The following FGF13 variants were observed in gnomAD, a reference collection of about 807,000 sequenced individuals.
The protein encoded by FGF13 is fibroblast growth factor homologous factor 2.
FGF13 carries 2 observed loss-of-function variants against 19.5 expected under a neutral mutation model. That is an observed-to-expected ratio of 0.10 (90% CI 0.04 to 0.32). FGF13 has a LOEUF of 0.32. FGF13 is among the 10% of genes least tolerant of loss of function. FGF13 has a pLI of 1.00. For missense variants in FGF13, 113 were observed against 192.7 expected, an observed-to-expected ratio of 0.59 and a Z score of 2.45; for synonymous variants, 72 against 76.9, an observed-to-expected ratio of 0.94 and a Z score of 0.33.
At chrX:138,696,022 G>A (rs772580892) in intron 3 of FGF13, among the ~76,000 whole-genome samples, 23 of 112,200 alleles carry the variant, frequency 2.0e-4, no homozygotes, top group East Asian at 1.4e-3. Context: ...CCTTTCTAAA[G>A]AATGTCATTC....
chrX:138,893,960 A>C (rs1330903662), intron 1 of FGF13, among the ~76,000 whole-genome samples: 1 of 111,616 alleles, frequency 9.0e-6, no homozygotes, highest in African/African-American at 3.3e-5. Flanking sequence ...TATTGGTATA[A>C]TACAGGTCTA....
chrX:138,976,113 T>C (rs1010305584), intron 1 of FGF13, among the ~76,000 whole-genome samples: 1 of 111,859 alleles, frequency 8.9e-6, no homozygotes, highest in African/African-American at 3.3e-5. Flanking sequence ...TGTTATGCGC[T>C]GGACTCGGGA....
At chrX:139,107,878 A>G (rs2083571090) in intron 1 of FGF13, among the ~76,000 whole-genome samples, 1 of 110,309 alleles carries the variant, frequency 9.1e-6, no homozygotes, top group African/African-American at 3.3e-5. Context: ...GTGAAGCAGC[A>G]AAAGTAAAAA....
At chrX:139,042,613 A>C (rs2092273780) in intron 1 of FGF13, among the ~76,000 whole-genome samples, 1 of 111,793 alleles carries the variant, frequency 8.9e-6, no homozygotes, top group African/African-American at 3.3e-5. Context: ...GCTAGTGATT[A>C]GTTTGGTTTC....
At chrX:138,952,972 T>C (rs1603063242) in intron 1 of FGF13, among the ~76,000 whole-genome samples, 1 of 111,488 alleles carries the variant, frequency 9.0e-6, no homozygotes, top group South Asian at 3.8e-4. Flanking sequence ...ACTTTTACAC[T>C]ATTGGTGGGA....
At chrX:138,965,956 T>C (rs2091893051) in intron 1 of FGF13, among the ~76,000 whole-genome samples, 1 of 112,772 alleles carries the variant, frequency 8.9e-6, no homozygotes, top group African/African-American at 3.2e-5. Context: ...GTCATTTTCT[T>C]TGTGATTTCT....
chrX:138,961,245 G>C, intron 1 of FGF13, among the ~76,000 whole-genome samples: 1 of 111,860 alleles, frequency 8.9e-6, no homozygotes, highest in East Asian at 2.8e-4. Flanking sequence ...CTGTTTGTTA[G>C]TTTTCCTTCT....
chrX:139,047,619 C>T (rs1411723453), intron 1 of FGF13, among the ~76,000 whole-genome samples: 1 of 111,623 alleles, frequency 9.0e-6, no homozygotes, highest in Non-Finnish European at 1.9e-5. Flanking sequence ...AAGAGTTAGT[C>T]AAACTCATTA....
intron 3 of FGF13, among the ~76,000 whole-genome samples, chrX:138,822,258 T>A (rs1259909206): frequency 8.9e-6 from 1 of 112,133 alleles, no homozygotes; most frequent in African/African-American, 3.2e-5. Flanking sequence ...TTGCACATAG[T>A]AATGCTACGG....
At position 139,008,978 on chromosome X, in the gene FGF13, C is replaced by A. The variant is rs187306324; in HGVS notation, c.-112-144328G>T. Among the ~76,000 whole-genome samples the A allele has an allele frequency of 3.2e-4, 36 of 111,566 alleles. 1 individual carries two copies. Among genetic ancestry groups the A allele is most frequent in the African/African-American group, 1.1e-3 (35 of 30,725 alleles). ...TGATCCAGAAAATGAAAGGAAAATTCTTCAGTGAAATAGAATAACTAAAAG... is the reference window on the plus strand; with the variant it reads ...TGATCCAGAAAATGAAAGGAAAATTATTCAGTGAAATAGAATAACTAAAAG... On this transcript the variant is annotated intron_variant, in intron 1 of 2. Coordinates refer to the FGF13 transcript ENST00000421460.
chrX:139,182,178 C>A (rs929190921), intron 1 of FGF13, among the ~76,000 whole-genome samples: 7 of 111,860 alleles, frequency 6.3e-5, no homozygotes, highest in African/African-American at 1.3e-4. Flanking sequence ...ACTCTTATCC[C>A]CATTTTACAG....
chrX:138,720,954 T>C (rs2090142839), intron 1 of FGF13, among the ~76,000 whole-genome samples: 1 of 111,959 alleles, frequency 8.9e-6, no homozygotes, highest in South Asian at 3.8e-4. Flanking sequence ...TGATGAACAT[T>C]TGTAAGTTTT....
intron 1 of FGF13, among the ~76,000 whole-genome samples, chrX:138,999,658 G>C (rs1336319347): frequency 8.9e-6 from 1 of 111,777 alleles, no homozygotes; most frequent in Non-Finnish European, 1.9e-5. Context: ...TCTCTGAATA[G>C]ACCAATAATA....
At chrX:139,079,056 G>A (rs1219779172) in intron 1 of FGF13, among the ~76,000 whole-genome samples, 2 of 112,317 alleles carry the variant, frequency 1.8e-5, no homozygotes, top group African/African-American at 6.5e-5. Context: ...TAGGACAGAT[G>A]TGATCTACAG....
chrX:138,952,330 T>G (rs370860646), intron 1 of FGF13, among the ~76,000 whole-genome samples: 24 of 111,546 alleles, frequency 2.2e-4, no homozygotes, highest in Non-Finnish European at 4.0e-4. Flanking sequence ...AATGGGGAAA[T>G]GATTCCCTAT....
rs556705698 is a variant in FGF13 at position 138,684,180 on chromosome X, G to C, written c.402+18804C>G. Among the ~76,000 whole-genome samples the C allele has an allele frequency of 3.6e-5, 4 of 111,715 alleles. No individual in the cohort carries two copies. In the East Asian group the frequency reaches 1.1e-3, roughly 31 times the overall value. On this transcript the variant is annotated intron_variant, in intron 3 of 4. Transcript: ENST00000315930. ...TTTATTACTTGCAAAATAGACTTAA[G>C]AGGTCAAAGAAATATATTATACACT...
At chrX:138,860,780 T>G (rs111316982) in intron 2 of FGF13, among the ~76,000 whole-genome samples, 1 of 112,433 alleles carries the variant, frequency 8.9e-6, no homozygotes, top group African/African-American at 3.2e-5. Context: ...GGAAGCCCCA[T>G]GCTTTTTGAA....
chrX:139,157,067 T>C (rs983827931), intron 1 of FGF13, among the ~76,000 whole-genome samples: 3 of 111,847 alleles, frequency 2.7e-5, no homozygotes, highest in South Asian at 3.8e-4. Context: ...GCTGAGCATC[T>C]ACCATATGCC....
At chrX:138,911,091 C>A (rs913357687) in intron 1 of FGF13, among the ~76,000 whole-genome samples, 3 of 110,985 alleles carry the variant, frequency 2.7e-5, no homozygotes, top group Non-Finnish European at 5.7e-5. Context: ...CCTCAGGTGA[C>A]TAAATAGTAA....
Sources: allele counts gnomAD v4.1 joint callset (sites outside exome capture counted in the v4.1 genomes callset), GRCh38; gene constraint gnomAD v4.1.1; transcripts MANE v1.5; gene names NCBI Gene and HGNC (gene_info 2026-07-23, HGNC 2026-07-21).